Variants in MTUS2 observed in about 807,000 individuals in gnomAD.
MTUS2 encodes the protein microtubule associated scaffold protein 2.
In MTUS2, 40 loss-of-function variants were observed where a neutral mutation model predicts 114.1. The observed-to-expected ratio is 0.35, with a 90% CI of 0.27 to 0.46. The LOEUF (loss-of-function observed/expected upper bound fraction) is 0.46. Among genes scored for constraint, MTUS2 ranks in the 20% least tolerant of loss-of-function variants. The pLI is 1.00. For synonymous variants in MTUS2, 688 were observed against 672.0 expected (o/e 1.02, Z -0.37); for missense variants, 1,679 against 1,705.4 (o/e 0.98, Z 0.27).
chr13:29,248,866 C>A (rs1222169954), intron 5 of MTUS2, among the ~76,000 whole-genome samples: 5 of 152,180 alleles, frequency 3.3e-5, no homozygotes, highest in African/African-American at 1.2e-4. Context: ...TTTTCTTTAT[C>A]CAGTCTAGAA....
chr13:29,196,788 T>G (rs1039847002), intron 5 of MTUS2, among the ~76,000 whole-genome samples: 2 of 152,208 alleles, frequency 1.3e-5, no homozygotes, highest in Admixed American at 1.3e-4. Context: ...AAAATTTCTT[T>G]CCATTTTAAG....
intron 1 of MTUS2, among the ~76,000 whole-genome samples, chr13:28,835,896 G>C (rs998456): frequency 0.48 from 73,102 of 151,982 alleles, 18,207 homozygotes; most frequent in Non-Finnish European, 0.53. Flanking sequence ...TTCGTGTAGG[G>C]ACAAACTCTG....
At chr13:29,208,187 A>G (rs1895272933) in intron 5 of MTUS2, among the ~76,000 whole-genome samples, 1 of 151,984 alleles carries the variant, frequency 6.6e-6, no homozygotes, top group African/African-American at 2.4e-5. Flanking sequence ...CAATTTATCC[A>G]TCTCCTCTAG....
intron 8 of MTUS2, among the ~76,000 whole-genome samples, chr13:29,436,049 C>T (rs909693940): frequency 6.6e-6 from 1 of 152,202 alleles, no homozygotes; most frequent in Non-Finnish European, 1.5e-5. Context: ...CACAGACAGG[C>T]AGTTCAGGCT....
At chr13:29,108,678 T>C (rs1890766044) in intron 5 of MTUS2, among the ~76,000 whole-genome samples, 1 of 152,064 alleles carries the variant, frequency 6.6e-6, no homozygotes, top group African/African-American at 2.4e-5. Context: ...AATGTTAGCA[T>C]GGCTATGATT....
intron 6 of MTUS2, among the ~76,000 whole-genome samples, chr13:29,315,224 A>G (rs1899936359): frequency 6.6e-6 from 1 of 152,200 alleles, no homozygotes; most frequent in Admixed American, 6.5e-5. Flanking sequence ...AATTACAGTT[A>G]GAAGGAATCA....
At chr13:29,095,552 A>C (rs536758125) in intron 4 of MTUS2, among the ~76,000 whole-genome samples, 237 of 119,930 alleles carry the variant, frequency 2.0e-3, no homozygotes, top group Non-Finnish European at 3.7e-3. Flanking sequence ...TAAATTTTCA[A>C]AGATTTGGAC....
At position 29,265,389 on chromosome 13, in the gene MTUS2, G is replaced by A. The variant is rs533597957; in HGVS notation, c.2645-16315G>A. On this transcript the variant is annotated intron_variant, in intron 5 of 15. Transcript: ENST00000612955. ...TCTAAGAAATTACAAACTTTCCCTC[G>A]TCTTCCAGTCTTCTTCTGAGCCTTC... 5.9e-5 allele frequency among the ~76,000 whole-genome samples: 9 copies of A among 152,142 alleles called. No homozygotes were observed. The South Asian group carries it at 1.0e-3, about 18-fold the overall frequency.
chr13:28,906,480 AC>A (rs1406321987), intron 2 of MTUS2, among the ~76,000 whole-genome samples: 1 of 151,366 alleles, frequency 6.6e-6, no homozygotes, highest in Non-Finnish European at 1.5e-5. Flanking sequence ...GTTTCAAAGA[AC>A]ATCTTTATTT....
intron 4 of MTUS2, among the ~76,000 whole-genome samples, chr13:29,036,098 C>T (rs1456508892): frequency 2.7e-5 from 4 of 146,012 alleles, no homozygotes; most frequent in African/African-American, 7.7e-5. Flanking sequence ...GAGCCGAGAT[C>T]GCACCACTGC....
intron 5 of MTUS2, among the ~76,000 whole-genome samples, chr13:29,249,587 TG>T (rs1438395727): frequency 2.0e-5 from 3 of 152,228 alleles, no homozygotes; most frequent in Non-Finnish European, 4.4e-5. Context: ...TTAATATGTT[TG>T]TTGGCGGCAT....
At chr13:28,906,159 G>A (rs1486055328) in intron 2 of MTUS2, among the ~76,000 whole-genome samples, 5 of 150,886 alleles carry the variant, frequency 3.3e-5, no homozygotes, top group Non-Finnish European at 7.4e-5. Context: ...TTCTTTATTA[G>A]TCTTGCTAGC....
At chr13:29,487,585 A>G in intron 10 of MTUS2, 1 of 342,392 alleles carries the variant, frequency 2.9e-6, no homozygotes, top group Admixed American at 4.3e-5. Context: ...GTCATCGCTC[A>G]TAGCGGTGCA....
rs1315745776 is a variant in MTUS2 at position 29,375,624 on chromosome 13, T to A, written c.3117+16151T>A. On this transcript the variant is annotated intron_variant, in intron 8 of 15. Transcript: ENST00000612955. ...ATATATATACGTATATATATATATA[T>A]ATATATATATATATACACACACCAT... Among the ~76,000 whole-genome samples the A allele has an allele frequency of 1.5e-4, 6 of 39,334 alleles. 2 individuals are homozygous for A. The South Asian group carries it at 3.3e-3, about 22-fold the overall frequency. 25.8% of individuals were successfully genotyped at this position (39,334 alleles called of 152,430 possible).
chr13:29,048,128 C>A (rs1274105155), intron 4 of MTUS2, among the ~76,000 whole-genome samples: 1 of 152,200 alleles, frequency 6.6e-6, no homozygotes, highest in East Asian at 1.9e-4. Context: ...TGTCACTAAT[C>A]TTTTCTTATG....
chr13:29,177,797 C>T (rs1893836396), intron 5 of MTUS2, among the ~76,000 whole-genome samples: 2 of 152,128 alleles, frequency 1.3e-5, no homozygotes, highest in South Asian at 4.1e-4. Context: ...ATAGTAGCAT[C>T]GTGGAGAAGC....
chr13:29,480,888 G>A lies in MTUS2; in HGVS notation c.3399+524G>A, dbSNP rs1881116143. Among the ~76,000 whole-genome samples, 1 of 152,150 alleles carries A rather than the reference G, an allele frequency of 6.6e-6. No homozygotes were observed. Among genetic ancestry groups the A allele is most frequent in the African/African-American group, 2.4e-5 (1 of 41,420 alleles). Reference sequence around the variant, plus strand: ...AGACACTGCTCTAAGCTCTTTACAGGAACTGACTCATGTAGTCCTCACAGT... The same window carrying A: ...AGACACTGCTCTAAGCTCTTTACAGAAACTGACTCATGTAGTCCTCACAGT... On this transcript the variant is annotated intron_variant, in intron 10 of 15. Transcript: ENST00000612955. The surrounding 1 kb of genome is among the most constrained non-coding windows in gnomAD (Gnocchi z 4.4).
intron 2 of MTUS2, among the ~76,000 whole-genome samples, chr13:29,007,041 A>G (rs1221994884): frequency 2.0e-5 from 3 of 152,166 alleles, no homozygotes; most frequent in African/African-American, 4.8e-5. Flanking sequence ...AGAACGTCCA[A>G]TCTGTTGTGT....
At chr13:29,425,557 T>TA (rs1238099524) in intron 8 of MTUS2, among the ~76,000 whole-genome samples, 2 of 151,968 alleles carry the variant, frequency 1.3e-5, no homozygotes, top group African/African-American at 4.8e-5. Flanking sequence ...AAAATAGAAG[T>TA]AAAAAAGGAT....
Sources: gnomAD v4.1 joint callset for allele counts (sites outside exome capture counted in the v4.1 genomes callset) on GRCh38, gnomAD v4.1.1 for gene constraint, Gnocchi (gnomAD v3.1) non-coding constraint, MANE v1.5 for transcripts, NCBI Gene and HGNC (gene_info 2026-07-23, HGNC 2026-07-21) for gene names.